SPECC1: variants seen among roughly 807,000 people sequenced by gnomAD.
SPECC1 encodes cytospin-B.
Under a neutral mutation model 104.1 loss-of-function variants are expected in SPECC1, and 62 were observed. The ratio of observed to expected loss-of-function variants is 0.60; its 90% CI spans 0.49 to 0.74. The LOEUF (loss-of-function observed/expected upper bound fraction) is 0.74. SPECC1 is among the 30% of genes least tolerant of loss of function. The pLI is 0.00. For synonymous variants in SPECC1, 513 were observed against 501.6 expected, an observed-to-expected ratio of 1.02 and a Z score of -0.30; for missense variants, 1,306 against 1,310.5, an observed-to-expected ratio of 1.00 and a Z score of 0.05.
At chr17:20,028,478 GA>G (rs915649319) in intron 1 of SPECC1, among the ~76,000 whole-genome samples, 1,440 of 139,022 alleles carry the variant, frequency 0.01, 12 homozygotes, top group Middle Eastern at 0.015. Context: ...CTACAAAAAA[GA>G]AAAAAAAAAA....
chr17:20,107,099 G>A lies in SPECC1; in HGVS notation c.148-3328G>A, dbSNP rs189924895. ...GCAGAGGTTGCAGTGAGCCGAGATC[G>A]CATCACGGCACTCCAGCCTGGGCGA... is the stretch of plus-strand genomic sequence containing the variant. On this transcript the variant is annotated intron_variant, in intron 2 of 14. Coordinates refer to ENST00000395527, the MANE Select transcript of SPECC1 (RefSeq NM_001243439.2). Among the ~76,000 whole-genome samples, 826 of 130,314 alleles carry A rather than the reference G, an allele frequency of 6.3e-3. 4 individuals are homozygous for A. The highest frequency in any genetic ancestry group is 8.4e-3 in the Non-Finnish European group (550 of 65,664). 85.5% of individuals were successfully genotyped at this position (130,314 alleles called of 152,430 possible). A position where few individuals can be genotyped will look rare whatever the true frequency, so the allele number is the denominator to read the frequency against.
intron 12 of SPECC1, among the ~76,000 whole-genome samples, chr17:20,265,055 G>GT (rs1290483533): frequency 1.3e-5 from 2 of 152,110 alleles, no homozygotes; most frequent in Admixed American, 6.5e-5. Context: ...TTGATTTTAT[G>GT]TTTTTTCTAC....
At chr17:20,247,378 T>A in intron 9 of SPECC1, 59 bp downstream of exon 9, 2 of 1,267,814 alleles carry the variant, frequency 1.6e-6, no homozygotes, top group Non-Finnish European at 2.3e-6. Flanking sequence ...CTCTAGATGT[T>A]TTTCTTTACA....
At chr17:20,064,617 A>G (rs1013877254) in intron 1 of SPECC1, among the ~76,000 whole-genome samples, 1 of 152,176 alleles carries the variant, frequency 6.6e-6, no homozygotes, top group Non-Finnish European at 1.5e-5. Context: ...TCTCAAGGTC[A>G]TGCTACATGA....
chr17:20,166,705 G>A (rs531053554), intron 3 of SPECC1, among the ~76,000 whole-genome samples: 3 of 152,160 alleles, frequency 2.0e-5, no homozygotes, highest in African/African-American at 7.2e-5. Flanking sequence ...CATTAATGAA[G>A]TAAGTTACGA....
chr17:20,238,358 T>A, intron 7 of SPECC1: 1 of 1,040,454 alleles, frequency 9.6e-7, no homozygotes, highest in Non-Finnish European at 1.2e-6. Flanking sequence ...AATATGTGTG[T>A]TTGTGAAGAT....
At chr17:20,095,499 G>A (rs1025807719) in intron 1 of SPECC1, among the ~76,000 whole-genome samples, 13 of 152,144 alleles carry the variant, frequency 8.5e-5, no homozygotes, top group East Asian at 5.8e-4. Flanking sequence ...CAATAGGGTC[G>A]GGAACTAGAT....
chr17:20,246,928 A>G lies in SPECC1; in HGVS notation c.2498-291A>G, dbSNP rs1029235774. Reference sequence around the variant, plus strand: ...TGTGAAGACAGGAAATGAATTAACAATTTGTACAAGAACTTTTCTGTTCCT... The same window carrying G: ...TGTGAAGACAGGAAATGAATTAACAGTTTGTACAAGAACTTTTCTGTTCCT... On this transcript the variant is annotated intron_variant, in intron 8 of 14. Coordinates refer to ENST00000395527, the MANE Select transcript of SPECC1 (RefSeq NM_001243439.2). 3.3e-5 allele frequency among the ~76,000 whole-genome samples: 5 copies of G among 152,196 alleles called. No homozygotes were observed. The East Asian group carries it at 7.7e-4, about 23-fold the overall frequency.
chr17:20,169,913 T>C (rs2033955312), intron 3 of SPECC1, among the ~76,000 whole-genome samples: 1 of 152,228 alleles, frequency 6.6e-6, no homozygotes, highest in African/African-American at 2.4e-5. Flanking sequence ...TCTATTTTAC[T>C]TACAAAAATT....
chr17:20,247,225 C>T lies in SPECC1; in HGVS notation c.2504C>T (p.Ala835Val), dbSNP rs767850338. 1.9e-6 allele frequency: 3 copies of T among 1,610,874 alleles called. No homozygotes were observed. The Admixed American group carries it at 5.0e-5, about 27-fold the overall frequency. ...KSFDLGRPGG[A>V]GQNISVHKTP... ...CCATGTTTTTTCTTGGCAGGTGGAG[C>T]TGGACAGAATATTTCTGTCCATAAG... Residue 835 changes from alanine (A) to valine (V), a missense_variant, in exon 9 of 15, where the codon GCT (alanine) becomes GTT (valine). Around this residue, in one of 2 missense-constraint regions of SPECC1, gnomAD observed 1,177 missense variants for 1,139.9 expected, o/e 1.03. Coordinates refer to ENST00000395527, the MANE Select transcript of SPECC1 (RefSeq NM_001243439.2).
At chr17:20,285,080 AC>A (rs2040897065) in intron 12 of SPECC1, among the ~76,000 whole-genome samples, 1 of 152,122 alleles carries the variant, frequency 6.6e-6, no homozygotes, top group Non-Finnish European at 1.5e-5. Context: ...TTCAGTGTGT[AC>A]CCTGCAGCTT....
At chr17:20,252,617 T>C (rs761380819) in intron 9 of SPECC1, among the ~76,000 whole-genome samples, 1 of 152,228 alleles carries the variant, frequency 6.6e-6, no homozygotes. Context: ...GTTATGCCGC[T>C]CTTGTCCTTC....
At chr17:20,016,750 C>A (rs528288915) in intron 1 of SPECC1, among the ~76,000 whole-genome samples, 1 of 152,342 alleles carries the variant, frequency 6.6e-6, no homozygotes, top group African/African-American at 2.4e-5. Flanking sequence ...TCCCTGACAG[C>A]ACCACCCCCT....
intron 1 of SPECC1, among the ~76,000 whole-genome samples, chr17:20,015,831 G>T (rs530786498): frequency 1.5e-3 from 229 of 150,166 alleles, no homozygotes; most frequent in Middle Eastern, 3.4e-3. Context: ...TGATCCGCCC[G>T]CCTCGGCCTC....
intron 1 of SPECC1, among the ~76,000 whole-genome samples, chr17:20,027,367 A>G (rs754175198): frequency 4.6e-5 from 7 of 152,132 alleles, no homozygotes; most frequent in Admixed American, 6.5e-5. Flanking sequence ...ATTTTCTCCC[A>G]TTCTACAGGT....
chr17:20,038,689 C>G (rs1313757911), intron 1 of SPECC1, among the ~76,000 whole-genome samples: 1 of 152,080 alleles, frequency 6.6e-6, no homozygotes, highest in Non-Finnish European at 1.5e-5. Context: ...CGTGAGCCAC[C>G]GCACCCAGCC....
Position 20,218,095 on chromosome 17 carries a change from A to G in SPECC1, c.1864-9318A>G, listed in dbSNP as rs1472918714. ...CTGTTTAATAAAGTAGCTATTGCTA[A>G]GTATATATTGGTCTTTCATGTATTG... On this transcript the variant is annotated intron_variant, in intron 4 of 14. Transcript: ENST00000395527. 2.6e-5 allele frequency among the ~76,000 whole-genome samples: 4 copies of G among 152,374 alleles called. No homozygotes were observed. In the East Asian group the frequency reaches 7.7e-4, roughly 29 times the overall value.
At chr17:20,238,089 A>G in intron 7 of SPECC1, 3 of 1,026,726 alleles carry the variant, frequency 2.9e-6, no homozygotes, top group Non-Finnish European at 3.5e-6. Flanking sequence ...GTCTGACTTC[A>G]TTACCTCGTC....
intron 2 of SPECC1, among the ~76,000 whole-genome samples, chr17:20,108,706 T>C (rs1940907630): frequency 6.6e-6 from 1 of 152,222 alleles, no homozygotes; most frequent in Non-Finnish European, 1.5e-5. Flanking sequence ...ATTTATCCTC[T>C]CTGTTGAAGG....
Sources: allele counts gnomAD v4.1 joint callset (sites outside exome capture counted in the v4.1 genomes callset), GRCh38; gene constraint gnomAD v4.1.1; regional missense constraint gnomAD v4.1.1; transcripts MANE v1.5; gene names NCBI Gene and HGNC (gene_info 2026-07-23, HGNC 2026-07-21).